CAAP1: variants seen among roughly 807,000 people sequenced by gnomAD.
The protein encoded by CAAP1 is caspase activity and apoptosis inhibitor 1.
In CAAP1, 20 loss-of-function variants were observed where a neutral mutation model predicts 34.0. The ratio of observed to expected loss-of-function variants is 0.59; its 90% CI spans 0.41 to 0.86. CAAP1 has a LOEUF of 0.86. CAAP1 is among the 40% of genes least tolerant of loss of function. The pLI, the probability that CAAP1 is intolerant of heterozygous loss-of-function variation, is 0.00. For synonymous variants in CAAP1, 213 were observed against 166.7 expected (o/e 1.28, Z -2.14); for missense variants, 538 against 450.5 (o/e 1.19, Z -1.76).
intron 4 of CAAP1, among the ~76,000 whole-genome samples, chr9:26,883,013 T>C (rs1371728456): frequency 6.6e-6 from 1 of 152,168 alleles, no homozygotes; most frequent in African/African-American, 2.4e-5. Flanking sequence ...ATCTAGGAAG[T>C]AACTAACTTG....
intron 4 of CAAP1, among the ~76,000 whole-genome samples, chr9:26,871,451 C>T (rs978317184): frequency 2.6e-5 from 4 of 151,824 alleles, no homozygotes; most frequent in Non-Finnish European, 5.9e-5. Flanking sequence ...GTGGTACTCG[C>T]CTGTAATCCC....
At position 26,882,232 on chromosome 9, in the gene CAAP1, C is replaced by T. The variant is rs1823608619; in HGVS notation, c.665+2578G>A. ...AAAAATTTGCATAAGTAACGAGCAGCCCAATGTTAATCGCCAAGACAATGG... is the reference window on the plus strand; with the variant it reads ...AAAAATTTGCATAAGTAACGAGCAGTCCAATGTTAATCGCCAAGACAATGG... On this transcript the variant is annotated intron_variant, in intron 4 of 5. Coordinates refer to ENST00000333916, the MANE Select transcript of CAAP1 (RefSeq NM_024828.4). 1.3e-5 allele frequency among the ~76,000 whole-genome samples: 2 copies of T among 152,176 alleles called. 1 individual carries two copies. Among genetic ancestry groups the T allele is most frequent in the African/African-American group, 4.8e-5 (2 of 41,444 alleles).
chr9:26,890,232 A>G (rs1029150375), intron 1 of CAAP1, among the ~76,000 whole-genome samples: 1 of 151,934 alleles, frequency 6.6e-6, no homozygotes, highest in African/African-American at 2.4e-5. Context: ...TTAGCTGGCC[A>G]TGGTGGCGGG....
At position 26,892,665 on chromosome 9, in the gene CAAP1, C is replaced by T. The variant is rs933143257; in HGVS notation, c.51G>A (p.Gln17=). 5.6e-6 allele frequency: 9 copies of T among 1,606,898 alleles called. No homozygotes were observed. The highest frequency in any genetic ancestry group is 7.6e-6 in the Non-Finnish European group (9 of 1,179,088). The change falls in exon 1 of 6, where the codon CAG becomes CAA. Residue 17 remains glutamine (Q), a synonymous_variant. Transcript: ENST00000333916. ...SREKRRKRSS[Q]EAAAALAAPD... is the part of the protein sequence containing the mutation. ...GGGCCGCGAGCGCTGCGGCCGCCTC[C>T]TGACTGCTACGTTTGCGCCGTTTCT... is the stretch of plus-strand genomic sequence containing the variant.
chr9:26,855,067 T>C (rs1001315307), intron 5 of CAAP1, among the ~76,000 whole-genome samples: 2 of 152,240 alleles, frequency 1.3e-5, no homozygotes, highest in Admixed American at 6.5e-5. Flanking sequence ...TTATCCATAA[T>C]TGCCAAAACT....
chr9:26,869,183 TAATA>T (rs1433050927), intron 4 of CAAP1, among the ~76,000 whole-genome samples: 2 of 151,798 alleles, frequency 1.3e-5, no homozygotes, highest in African/African-American at 4.8e-5. Flanking sequence ...ATAATTTTCA[TAATA>T]AAAAGTAAAA....
intron 4 of CAAP1, among the ~76,000 whole-genome samples, chr9:26,863,257 T>C (rs934713545): frequency 1.3e-5 from 2 of 152,140 alleles, no homozygotes; most frequent in Non-Finnish European, 2.9e-5. Flanking sequence ...CCAAACAGAA[T>C]TTCAGACAGT....
At chr9:26,858,392 T>C (rs1408884922) in intron 5 of CAAP1, among the ~76,000 whole-genome samples, 1 of 152,234 alleles carries the variant, frequency 6.6e-6, no homozygotes, top group Admixed American at 6.5e-5. Flanking sequence ...ATTTCAGCTA[T>C]ATTAATATTT....
At chr9:26,867,284 C>G (rs1194885525) in intron 4 of CAAP1, among the ~76,000 whole-genome samples, 2 of 152,194 alleles carry the variant, frequency 1.3e-5, no homozygotes, top group East Asian at 3.8e-4. Flanking sequence ...CCAAAGCCAA[C>G]ATCTCTGACT....
intron 5 of CAAP1, among the ~76,000 whole-genome samples, chr9:26,844,865 T>G (rs116050991): frequency 1.3e-5 from 2 of 152,352 alleles, no homozygotes; most frequent in African/African-American, 4.8e-5. Context: ...TCTTGAATTC[T>G]ATTTCACAGG....
intron 4 of CAAP1, among the ~76,000 whole-genome samples, chr9:26,864,565 T>C (rs12351117): frequency 0.043 from 6,500 of 152,258 alleles, 477 homozygotes; most frequent in African/African-American, 0.15. Flanking sequence ...TTTTCTGACC[T>C]GTGATTCTCT....
intron 4 of CAAP1, among the ~76,000 whole-genome samples, chr9:26,880,732 G>C (rs1482769372): frequency 6.6e-6 from 1 of 152,174 alleles, no homozygotes; most frequent in Non-Finnish European, 1.5e-5. Flanking sequence ...CAGGAGTGCA[G>C]TTGTGGGATT....
In CAAP1 at chr9:26,842,566, G is replaced by A. The variant is rs1434230193; in HGVS notation, c.821C>T (p.Ala274Val). 1 of 1,614,134 alleles carries A rather than the reference G, an allele frequency of 6.2e-7. No homozygotes were observed. The highest frequency in any genetic ancestry group is 8.5e-7 in the Non-Finnish European group (1 of 1,180,030). Reference protein sequence around the residue: ...SDIEGPCNEEAAAPEAPENTV... With the variant: ...SDIEGPCNEEVAAPEAPENTV... ...ATTTTCTGGTGCCTCGGGAGCAGCT[G>A]CTTCTTCGTTGCATGGGCCTTCTAT... Residue 274 changes from alanine (A) to valine (V), a missense_variant, in exon 6 of 6, where the codon GCA becomes GTA. Transcript: ENST00000333916.
chr9:26,886,220 T>G lies in CAAP1; in HGVS notation c.505-32A>C, dbSNP rs763142907. On this transcript the variant is annotated intron_variant, in intron 2 of 5. Coordinates refer to ENST00000333916, the MANE Select transcript of CAAP1 (RefSeq NM_024828.4). ...GAAATGACATTTTAAAAAAATGCAT[T>G]TATGTAACACAGCCCCAATGTAAAC... The G allele has an allele frequency of 9.5e-6, 11 of 1,161,934 alleles. No homozygotes were observed. In the Admixed American group the frequency reaches 3.1e-4, roughly 33 times the overall value. The allele number at this position is 1,161,934 out of a possible 1,614,324, so 72.0% of individuals were successfully genotyped here.
intron 2 of CAAP1, among the ~76,000 whole-genome samples, chr9:26,886,976 G>C (rs950075844): frequency 2.0e-5 from 3 of 152,142 alleles, no homozygotes; most frequent in Non-Finnish European, 4.4e-5. Context: ...AACACCTTGG[G>C]AGGCCAAGGT....
At chr9:26,852,688 A>G (rs1221303988) in intron 5 of CAAP1, among the ~76,000 whole-genome samples, 1 of 152,180 alleles carries the variant, frequency 6.6e-6, no homozygotes, top group Non-Finnish European at 1.5e-5. Flanking sequence ...CATGTGATAG[A>G]TCAACACAGT....
intron 5 of CAAP1, among the ~76,000 whole-genome samples, chr9:26,847,698 T>C (rs552381739): frequency 6.6e-6 from 1 of 152,250 alleles, no homozygotes; most frequent in African/African-American, 2.4e-5. Context: ...TGTCCTTTTT[T>C]TGTAGTTTTC....
At chr9:26,865,415 C>T (rs1187745971) in intron 4 of CAAP1, among the ~76,000 whole-genome samples, 4 of 151,926 alleles carry the variant, frequency 2.6e-5, no homozygotes, top group African/African-American at 7.2e-5. Context: ...CCCAGCTACT[C>T]GGGAGAATTG....
intron 5 of CAAP1, among the ~76,000 whole-genome samples, chr9:26,858,305 T>C (rs1226120266): frequency 6.6e-6 from 1 of 152,228 alleles, no homozygotes; most frequent in Non-Finnish European, 1.5e-5. Flanking sequence ...ATAATCTTTA[T>C]TGAGCCTATC....
Sources: gnomAD v4.1 joint callset for allele counts (sites outside exome capture counted in the v4.1 genomes callset) on GRCh38, gnomAD v4.1.1 for gene constraint, MANE v1.5 for transcripts, NCBI Gene and HGNC (gene_info 2026-07-23, HGNC 2026-07-21) for gene names.